Variants in RORA observed in about 807,000 individuals in gnomAD.
RORA encodes nuclear receptor ROR-alpha.
RORA carries 7 observed loss-of-function variants against 69.5 expected under a neutral mutation model. The observed-to-expected ratio is 0.10, with a 90% confidence interval of 0.06 to 0.19. The LOEUF (loss-of-function observed/expected upper bound fraction) is 0.19. RORA is among the 10% of genes least tolerant of loss of function. The probability of loss-of-function intolerance (pLI) is 1.00; values close to 1 mark genes in which losing one functional copy is unlikely to be tolerated. For synonymous variants in RORA, 261 were observed against 240.8 expected, an observed-to-expected ratio of 1.08 and a Z score of -0.78; for missense variants, 457 against 663.0, an observed-to-expected ratio of 0.69 and a Z score of 3.41.
intron 1 of RORA, among the ~76,000 whole-genome samples, chr15:60,913,503 G>C (rs1360204625): frequency 6.6e-6 from 1 of 152,168 alleles, no homozygotes; most frequent in African/African-American, 2.4e-5. Context: ...AACTTCCCCC[G>C]TGACTGCCAC....
At chr15:60,772,152 T>G (rs1351690844) in intron 1 of RORA, among the ~76,000 whole-genome samples, 1 of 152,136 alleles carries the variant, frequency 6.6e-6, no homozygotes, top group African/African-American at 2.4e-5. Context: ...TGGTTTGCTG[T>G]ACCCATCAAC....
intron 1 of RORA, among the ~76,000 whole-genome samples, chr15:61,069,547 C>A (rs1445384806): frequency 6.6e-6 from 1 of 152,098 alleles, no homozygotes; most frequent in Non-Finnish European, 1.5e-5. Context: ...GCTGTGTCAA[C>A]ATTCGGCTGT....
intron 2 of RORA, among the ~76,000 whole-genome samples, chr15:60,671,080 A>ATATATC (rs899618587): frequency 2.1e-5 from 3 of 142,372 alleles, no homozygotes; most frequent in Admixed American, 2.0e-4. Flanking sequence ...ATATATATAT[A>ATATATC]TATATATATA....
At chr15:60,819,746 G>GACACACACACACACACACACACAC (rs59044853) in intron 1 of RORA, among the ~76,000 whole-genome samples, 40 of 119,342 alleles carry the variant, frequency 3.4e-4, no homozygotes, top group African/African-American at 1.2e-3. Context: ...GTCAAACCCA[G>GACACACACACACACACACACACAC]ACACACACAC....
intron 3 of RORA, among the ~76,000 whole-genome samples, chr15:60,516,486 C>T (rs2065964463): frequency 6.6e-6 from 1 of 150,698 alleles, no homozygotes; most frequent in Non-Finnish European, 1.5e-5. Context: ...TTCCATGAAG[C>T]AAAGCCATGA....
intron 1 of RORA, among the ~76,000 whole-genome samples, chr15:60,953,857 G>T (rs1303238781): frequency 4.0e-5 from 6 of 149,380 alleles, no homozygotes. Context: ...CTGTAAACTA[G>T]TTCAACCATT....
chr15:60,956,904 T>C (rs1275618311), intron 1 of RORA, among the ~76,000 whole-genome samples: 1 of 152,226 alleles, frequency 6.6e-6, no homozygotes, highest in East Asian at 1.9e-4. Flanking sequence ...GGTCCCACCT[T>C]TATCAGCTGT....
At chr15:60,946,046 C>G (rs1267173367) in intron 1 of RORA, among the ~76,000 whole-genome samples, 1 of 152,164 alleles carries the variant, frequency 6.6e-6, no homozygotes, top group African/African-American at 2.4e-5. Flanking sequence ...ACCAAGGAAC[C>G]TCCAGGAAGA....
chr15:60,559,087 C>G (rs985144984), intron 2 of RORA, among the ~76,000 whole-genome samples: 1 of 151,718 alleles, frequency 6.6e-6, no homozygotes, highest in African/African-American at 2.4e-5. Flanking sequence ...TAATAAAAAT[C>G]AAATAAAGAA....
chr15:60,870,045 T>C (rs2073537588), intron 1 of RORA, among the ~76,000 whole-genome samples: 1 of 152,254 alleles, frequency 6.6e-6, no homozygotes, highest in South Asian at 2.1e-4. Flanking sequence ...CATGAAGTAG[T>C]CTTTGCAACA....
rs184821194 is a variant in RORA, at chr15:61,111,629, C to G, written c.166+117424G>C. ...GGGTTCTCTTAAGATTCTCACCTAT[C>G]TTATTTCTGAAGATATTACCAAGTA... is the stretch of plus-strand genomic sequence containing the variant. On this transcript the variant is annotated intron_variant, in intron 1 of 10. Coordinates refer to ENST00000335670, the MANE Select transcript of RORA (RefSeq NM_134261.3). Among the ~76,000 whole-genome samples, 302 of 152,216 alleles carry G rather than the reference C, an allele frequency of 2.0e-3. 1 individual carries two copies. The highest frequency in any genetic ancestry group is 3.4e-3 in the Non-Finnish European group (229 of 68,022).
At position 61,147,766 on chromosome 15, in the gene RORA, C is replaced by CGTGTGTGTGTGTGTGTGTGTGTGTGTGT. The variant is rs10523030; in HGVS notation, c.166+81259_166+81286dup. On this transcript the variant is annotated intron_variant, in intron 1 of 10. Transcript: ENST00000335670. This position sits in a 1 kb window ranked among gnomAD's most constrained non-coding sequence, Gnocchi z 4.1. Reference sequence around the variant, plus strand: ...TGGTCAGTAGGCACGTGCGCACACGCGTGTGTGTGTGTGTGTGTGTGTGTG... The same window carrying CGTGTGTGTGTGTGTGTGTGTGTGTGTGT: ...TGGTCAGTAGGCACGTGCGCACACGCGTGTGTGTGTGTGTGTGTGTGTGTGTGTGTGTGTGTGTGTGTGTGTGTGTGTG... Among the ~76,000 whole-genome samples the CGTGTGTGTGTGTGTGTGTGTGTGTGTGT allele has an allele frequency of 4.1e-5, 6 of 147,586 alleles. No homozygotes were observed. Among genetic ancestry groups the CGTGTGTGTGTGTGTGTGTGTGTGTGTGT allele is most frequent in the Non-Finnish European group, 6.0e-5 (4 of 66,910 alleles).
At chr15:60,571,343 G>A (rs1246397877) in intron 2 of RORA, among the ~76,000 whole-genome samples, 1 of 151,956 alleles carries the variant, frequency 6.6e-6, no homozygotes, top group East Asian at 1.9e-4. Flanking sequence ...GTGTGTGCCT[G>A]TAAAGACTAA....
intron 1 of RORA, among the ~76,000 whole-genome samples, chr15:60,887,450 T>C (rs1224733425): frequency 6.6e-6 from 1 of 152,140 alleles, no homozygotes; most frequent in East Asian, 1.9e-4. Context: ...GAAACCCAAG[T>C]TCTTCAAACC....
chr15:60,542,845 G>A (rs866286594), intron 2 of RORA, among the ~76,000 whole-genome samples: 4 of 122,986 alleles, frequency 3.3e-5, no homozygotes, highest in South Asian at 5.3e-4. Flanking sequence ...GCACACACAC[G>A]CACCCACCCC....
intron 1 of RORA, among the ~76,000 whole-genome samples, chr15:61,097,814 T>A (rs2078813398): frequency 6.6e-6 from 1 of 152,206 alleles, no homozygotes; most frequent in African/African-American, 2.4e-5. Context: ...ATTCCCAATG[T>A]ACCATTGCAG....
At chr15:60,980,220 G>A (rs1566932343) in intron 1 of RORA, among the ~76,000 whole-genome samples, 2 of 152,082 alleles carry the variant, frequency 1.3e-5, no homozygotes, top group Non-Finnish European at 2.9e-5. Context: ...TTGCATTCCT[G>A]GGATAAATTC....
chr15:61,043,677 A>G (rs762636830), intron 1 of RORA, among the ~76,000 whole-genome samples: 2 of 152,122 alleles, frequency 1.3e-5, no homozygotes, highest in Non-Finnish European at 2.9e-5. Flanking sequence ...ATCCCAATAC[A>G]CTGCCAGTAA....
At chr15:60,829,996 A>G (rs1173743980) in intron 1 of RORA, among the ~76,000 whole-genome samples, 1 of 152,244 alleles carries the variant, frequency 6.6e-6, no homozygotes, top group Non-Finnish European at 1.5e-5. Flanking sequence ...ATGAATAAAC[A>G]AATAAATGAA....
Sources: allele counts gnomAD v4.1 joint callset (sites outside exome capture counted in the v4.1 genomes callset), GRCh38; gene constraint gnomAD v4.1.1; non-coding constraint Gnocchi (gnomAD v3.1); transcripts MANE v1.5; gene names NCBI Gene and HGNC (gene_info 2026-07-23, HGNC 2026-07-21).